Variants in ITIH2 observed in about 807,000 individuals in gnomAD.
ITIH2 encodes inter-alpha-trypsin inhibitor heavy chain H2.
A neutral mutation model predicts 104.4 loss-of-function variants in ITIH2; 103 were observed. The ratio of observed to expected loss-of-function variants is 0.99; its 90% CI spans 0.84 to 1.16. ITIH2 has a LOEUF of 1.16. Among genes scored for constraint, ITIH2 ranks in the 50% most tolerant of loss-of-function variants. ITIH2 has a pLI of 0.00. For synonymous variants in ITIH2, 436 were observed against 435.4 expected, an observed-to-expected ratio of 1.00 and a Z score of -0.02; for missense variants, 1,108 against 1,162.4, an observed-to-expected ratio of 0.95 and a Z score of 0.68.
At chr10:7,734,295 T>C (rs1835031603) in intron 14 of ITIH2, among the ~76,000 whole-genome samples, 2 of 152,146 alleles carry the variant, frequency 1.3e-5, no homozygotes, top group Admixed American at 1.3e-4. Context: ...GGGAAGGCCG[T>C]GTATATGGGG....
At position 7,748,857 on chromosome 10, in the gene ITIH2, C is replaced by CT. The variant is rs1835207087; in HGVS notation, c.2694-327dup. ...CACCATGCCTGGCTGCTGACTCATT[C>CT]TTTAAGTGACCTGTGAGGTCAGCCT... On this transcript the variant is annotated intron_variant, in intron 20 of 20. Coordinates refer to ENST00000358415, the MANE Select transcript of ITIH2 (RefSeq NM_002216.3). 2.6e-5 allele frequency among the ~76,000 whole-genome samples: 4 copies of CT among 152,086 alleles called. No homozygotes were observed. The South Asian group carries it at 8.3e-4, about 32-fold the overall frequency.
intron 17 of ITIH2, 143 bp from the exon 18 acceptor site, chr10:7,743,936 AAAG>A (rs1166916506): frequency 3.8e-5 from 17 of 451,396 alleles, no homozygotes; most frequent in African/African-American, 7.9e-5. Flanking sequence ...TGAGAATCAC[AAAG>A]AAGAAAATGT....
chr10:7,717,716 G>A lies in ITIH2; in HGVS notation c.558G>A (p.Val186=), dbSNP rs35076349. 0.058 allele frequency: 92,977 copies of A among 1,613,406 alleles called. 3,095 individuals are homozygous for A. Among genetic ancestry groups the A allele is most frequent in the Admixed American group, 0.1 (6,099 of 60,028 alleles). The change falls in exon 6 of 21, where the codon GTG becomes GTA. Residue 186 remains valine, a synonymous_variant. Coordinates refer to ENST00000358415, the MANE Select transcript of ITIH2 (RefSeq NM_002216.3). ...KVQFELHYQE[V]KWRKLGSYEH... is the part of the protein sequence containing the mutation. ...AGTTCGAACTTCACTACCAGGAGGT[G>A]AAGTGGAGGAAGCTGGGCTCCTATG...
At chr10:7,737,698 T>G (rs374029921) in intron 15 of ITIH2, among the ~76,000 whole-genome samples, 1,822 of 37,076 alleles carry the variant, frequency 0.049, 543 homozygotes, top group East Asian at 0.061. Flanking sequence ...ATATTCTATA[T>G]AATATTCTAT....
intron 1 of ITIH2, 122 bp from the exon 2 acceptor site, chr10:7,704,986 G>C: frequency 1.6e-6 from 1 of 611,328 alleles, no homozygotes; most frequent in Non-Finnish European, 2.8e-6. Context: ...TGAGTTAATG[G>C]GTGTAGCAAA....
intron 19 of ITIH2, among the ~76,000 whole-genome samples, chr10:7,746,018 TG>T (rs1307473154): frequency 1.6e-5 from 2 of 122,538 alleles, no homozygotes; most frequent in East Asian, 5.2e-4. Flanking sequence ...CCTCCCAAAG[TG>T]CTGGGATTAC....
At chr10:7,717,404 G>A (rs1834860182) in intron 5 of ITIH2, among the ~76,000 whole-genome samples, 1 of 152,222 alleles carries the variant, frequency 6.6e-6, no homozygotes, top group Admixed American at 6.5e-5. Context: ...TCAGTAAGAA[G>A]CTCTGGGAGC....
At chr10:7,745,887 TGGGATTACA>T (rs1307646095) in intron 19 of ITIH2, among the ~76,000 whole-genome samples, 6 of 151,024 alleles carry the variant, frequency 4.0e-5, no homozygotes, top group Non-Finnish European at 8.9e-5. Flanking sequence ...CCCGAGTAGC[TGGGATTACA>T]GGCATGCACC....
intron 15 of ITIH2, among the ~76,000 whole-genome samples, chr10:7,737,639 TAGAA>T (rs1835071845): frequency 9.9e-6 from 1 of 100,998 alleles, no homozygotes; most frequent in African/African-American, 4.4e-5. Context: ...CTATATTCTA[TAGAA>T]TATTCTATAT....
chr10:7,745,667 GC>G (rs1431524004), intron 19 of ITIH2, among the ~76,000 whole-genome samples: 3 of 151,926 alleles, frequency 2.0e-5, no homozygotes, highest in East Asian at 3.9e-4. Context: ...GATCTCTTGA[GC>G]CCCGGAATTG....
At chr10:7,743,365 T>G in intron 17 of ITIH2, 106 bp downstream of exon 17, 1 of 640,284 alleles carries the variant, frequency 1.6e-6, no homozygotes, top group Non-Finnish European at 2.8e-6. Flanking sequence ...TTCTATATAT[T>G]TCAGTGATAT....
At chr10:7,703,637 A>G in intron 1 of ITIH2, 119 bp downstream of exon 1, 2 of 671,994 alleles carry the variant, frequency 3.0e-6, no homozygotes, top group Non-Finnish European at 5.4e-6. Flanking sequence ...GATAAAATTC[A>G]TCTGAGTGCA....
chr10:7,743,540 G>A (rs1451544665), intron 17 of ITIH2, among the ~76,000 whole-genome samples: 1 of 152,036 alleles, frequency 6.6e-6, no homozygotes, highest in African/African-American at 2.4e-5. Context: ...TTGGGAGGCC[G>A]AGGTGGGCGG....
chr10:7,737,533 TATATA>T (rs1685820934), intron 15 of ITIH2, among the ~76,000 whole-genome samples: 1 of 134,234 alleles, frequency 7.4e-6, no homozygotes, highest in Non-Finnish European at 1.5e-5. Flanking sequence ...CTATGTATTC[TATATA>T]ATATATATTA....
intron 13 of ITIH2, 140 bp from the exon 14 acceptor site, chr10:7,732,198 G>A: frequency 9.7e-7 from 1 of 1,034,888 alleles, no homozygotes; most frequent in Non-Finnish European, 1.4e-6. Context: ...CCAAGCACAG[G>A]AATGCATTTC....
At position 7,707,766 on chromosome 10, in the gene ITIH2, T is replaced by C. The variant is rs749234026; in HGVS notation, c.192+533T>C. ...TTTTAGTAGAGATGGGGTTTCACCA[T>C]GTTGGCCAGGCTGGTCTCGAACTCC... On this transcript the variant is annotated intron_variant, in intron 3 of 20. Coordinates refer to ENST00000358415, the MANE Select transcript of ITIH2 (RefSeq NM_002216.3). Among the ~76,000 whole-genome samples, 158 of 152,288 alleles carry C rather than the reference T, an allele frequency of 1.0e-3. 2 individuals carry two copies. Among genetic ancestry groups the C allele is most frequent in the Non-Finnish European group, 6.2e-4 (42 of 68,016 alleles).
rs541401394 is a variant in ITIH2, at chr10:7,744,255, G to A, written c.2383G>A (p.Asp795Asn). The change falls in exon 18 of 21, where the codon GAC (aspartate) becomes AAC (asparagine). Residue 795 changes from aspartate to asparagine, a missense_variant. Transcript: ENST00000358415. ...TAGCACATTCTCCTTGTCCTGGTCCGACACGGCTCAAGTCACGAATCAGAG... is the reference window on the plus strand; with the variant it reads ...TAGCACATTCTCCTTGTCCTGGTCCAACACGGCTCAAGTCACGAATCAGAG... ...GSSTFSLSWSDTAQVTNQRVQ... is the reference protein window; with the variant it reads ...GSSTFSLSWSNTAQVTNQRVQ... The A allele has an allele frequency of 1.6e-5, 26 of 1,613,798 alleles. No homozygotes were observed. Among genetic ancestry groups the A allele is most frequent in the African/African-American group, 4.0e-5 (3 of 74,914 alleles).
Position 7,735,021 on chromosome 10 carries a change from G to A in ITIH2, c.1887G>A (p.Val629=). 6.2e-7 allele frequency: 1 copy of A among 1,613,658 alleles called. No homozygotes were observed. Among genetic ancestry groups the A allele is most frequent in the African/African-American group, 1.3e-5 (1 of 75,086 alleles). The change falls in exon 15 of 21, where the codon GTG becomes GTA. Residue 629 remains valine, a synonymous_variant. Coordinates refer to ENST00000358415, the MANE Select transcript of ITIH2 (RefSeq NM_002216.3). The stretch of plus-strand genomic sequence containing the variant: ...TTGTGACTCCGCTGACCTCGCTGGT[G>A]ATCGAGAACGAGGCTGGGGATGAGC... ...HHIVTPLTSL[V]IENEAGDERM...
At position 7,710,210 on chromosome 10, in the gene ITIH2, T is replaced by C. The variant is rs143804148; in HGVS notation, c.362+1019T>C. Among the ~76,000 whole-genome samples the C allele has an allele frequency of 3.2e-3, 481 of 152,326 alleles. 4 individuals are homozygous for C. The highest frequency in any genetic ancestry group is 0.01 in the African/African-American group (435 of 41,584). ...GCATGAGAGTACAGACAAATTAAGA[T>C]TGGCTGAGTATTCATAATGGTGTAG... On this transcript the variant is annotated intron_variant, in intron 4 of 20. Coordinates refer to ENST00000358415, the MANE Select transcript of ITIH2 (RefSeq NM_002216.3).
Sources: gnomAD v4.1 joint callset for allele counts (sites outside exome capture counted in the v4.1 genomes callset) on GRCh38, gnomAD v4.1.1 for gene constraint, MANE v1.5 for transcripts, NCBI Gene and HGNC (gene_info 2026-07-23, HGNC 2026-07-21) for gene names.